The following GRIN3A variants were observed in gnomAD, a reference collection of about 807,000 sequenced individuals.
The protein encoded by GRIN3A is glutamate receptor ionotropic, NMDA 3A.
In GRIN3A, 47 loss-of-function variants were observed where a neutral mutation model predicts 92.4. That is an observed-to-expected ratio of 0.51 (90% CI 0.40 to 0.65). GRIN3A has a LOEUF of 0.65. GRIN3A is among the 30% of genes least tolerant of loss of function. GRIN3A has a pLI of 0.00. For synonymous variants in GRIN3A, 527 were observed against 540.6 expected (o/e 0.97, Z 0.35); for missense variants, 1,324 against 1,393.1 (o/e 0.95, Z 0.79).
intron 1 of GRIN3A, among the ~76,000 whole-genome samples, chr9:101,704,534 C>T (rs193014504): frequency 1.4e-4 from 21 of 152,246 alleles, no homozygotes; most frequent in Admixed American, 7.8e-4. Context: ...AACTATACTT[C>T]GAATTTTGAA....
In GRIN3A at chr9:101,686,586, T is replaced by C; in HGVS notation, c.1304+10A>G. The C allele has an allele frequency of 6.2e-7, 1 of 1,614,134 alleles. No homozygotes were observed. The stretch of plus-strand genomic sequence containing the variant: ...ATGAATGGGGATATAACCGAGACCT[T>C]GCATCCTACCTTGATAAATATTGTC... On this transcript the variant is annotated intron_variant, in intron 2 of 8. Transcript: ENST00000361820.
chr9:101,730,690 AG>A (rs1192050765), intron 1 of GRIN3A, among the ~76,000 whole-genome samples: 1 of 152,086 alleles, frequency 6.6e-6, no homozygotes, highest in Admixed American at 6.6e-5. Context: ...CTCCTCACAA[AG>A]TAACTGTGAG....
Position 101,735,902 on chromosome 9 carries a change from C to T in GRIN3A, c.699+1379G>A, listed in dbSNP as rs564330773. Among the ~76,000 whole-genome samples, 67 of 147,730 alleles carry T rather than the reference C, an allele frequency of 4.5e-4. 1 individual carries two copies. Among genetic ancestry groups the T allele is most frequent in the African/African-American group, 1.6e-3 (64 of 41,234 alleles). On this transcript the variant is annotated intron_variant, in intron 1 of 8. Transcript: ENST00000361820. Reference sequence around the variant, plus strand: ...CTCTACAGATCAAATCTCTGTAGTTCGGCTAGGAATCTTCTGGGCAACTGC... The same window carrying T: ...CTCTACAGATCAAATCTCTGTAGTTTGGCTAGGAATCTTCTGGGCAACTGC...
In GRIN3A at chr9:101,737,274, C is replaced by G. The variant is rs1564155858; in HGVS notation, c.699+7G>C. The G allele has an allele frequency of 1.2e-6, 2 of 1,613,208 alleles. No individual in the cohort carries two copies. Among genetic ancestry groups the G allele is most frequent in the Non-Finnish European group, 1.7e-6 (2 of 1,179,270 alleles). Reference sequence around the variant, plus strand: ...CATCTCCACTCCACGCACCAGGCTCCTCTCACCTGACTCTCCCGTGGAAAC... The same window carrying G: ...CATCTCCACTCCACGCACCAGGCTCGTCTCACCTGACTCTCCCGTGGAAAC... On this transcript the variant is annotated splice_region_variant and intron_variant, in intron 1 of 8. Coordinates refer to ENST00000361820, the MANE Select transcript of GRIN3A (RefSeq NM_133445.3).
intron 5 of GRIN3A, among the ~76,000 whole-genome samples, chr9:101,615,426 G>A (rs569450146): frequency 3.7e-5 from 5 of 134,502 alleles, no homozygotes; most frequent in East Asian, 2.1e-4. Flanking sequence ...TCTCGATCTC[G>A]GCTCACTGCA....
At chr9:101,704,575 G>C (rs1297793303) in intron 1 of GRIN3A, among the ~76,000 whole-genome samples, 1 of 152,126 alleles carries the variant, frequency 6.6e-6, no homozygotes, top group Non-Finnish European at 1.5e-5. Flanking sequence ...AGTGATATGA[G>C]GTGTAATACT....
At chr9:101,588,913 T>C (rs1827983993) in intron 6 of GRIN3A, among the ~76,000 whole-genome samples, 1 of 152,260 alleles carries the variant, frequency 6.6e-6, no homozygotes, top group African/African-American at 2.4e-5. Context: ...ATTTTTTAAA[T>C]ATTATAATTT....
At chr9:101,622,599 C>G (rs1284645285) in intron 5 of GRIN3A, among the ~76,000 whole-genome samples, 1 of 152,092 alleles carries the variant, frequency 6.6e-6, no homozygotes, top group Non-Finnish European at 1.5e-5. Flanking sequence ...ACAAGGATCC[C>G]AAGGTTTTGT....
chr9:101,625,615 GA>G (rs1197248230), intron 4 of GRIN3A, among the ~76,000 whole-genome samples: 1 of 152,154 alleles, frequency 6.6e-6, no homozygotes, highest in Non-Finnish European at 1.5e-5. Context: ...AAGTTACAAT[GA>G]GGCCCAAATT....
intron 8 of GRIN3A, among the ~76,000 whole-genome samples, chr9:101,574,381 T>A (rs1827800358): frequency 6.6e-6 from 1 of 152,204 alleles, no homozygotes; most frequent in Admixed American, 6.5e-5. Flanking sequence ...CTGCTGATTT[T>A]TTCCACCATA....
chr9:101,645,779 G>C (rs979359749), intron 3 of GRIN3A, among the ~76,000 whole-genome samples: 1 of 149,982 alleles, frequency 6.7e-6, no homozygotes, highest in Admixed American at 6.7e-5. Context: ...TGGGTGAAAC[G>C]ATACCTCATT....
chr9:101,718,305 C>T (rs1337695), intron 1 of GRIN3A, among the ~76,000 whole-genome samples: 83,624 of 151,982 alleles, frequency 0.55, 23,443 homozygotes, highest in African/African-American at 0.66. Flanking sequence ...TGAAAGTTGT[C>T]AATCATGGTA....
chr9:101,628,705 C>T (rs2118879314), intron 3 of GRIN3A, among the ~76,000 whole-genome samples: 1 of 152,244 alleles, frequency 6.6e-6, no homozygotes, highest in African/African-American at 2.4e-5. Flanking sequence ...GAATTAGTCT[C>T]ATTATTGTAA....
At position 101,737,475 on chromosome 9, in the gene GRIN3A, G is replaced by A; in HGVS notation, c.505C>T (p.Pro169Ser). 1 of 1,614,264 alleles carries A rather than the reference G, an allele frequency of 6.2e-7. No individual in the cohort carries two copies. ...GGGTCACTGCTCCATGGCGAACTAG[G>A]GGAGGAGAAGGGCAAAAGTGGCAGA... ...GDLPLLPFSS[P>S]SSPWSSDPFS... is the part of the protein sequence containing the mutation. Residue 169 changes from proline (P) to serine (S), a missense_variant, in exon 1 of 9, where the codon CCT (proline) becomes TCT (serine). Physicochemically the swap from Pro to Ser is moderately conservative, Grantham distance 74. Transcript: ENST00000361820.
intron 1 of GRIN3A, among the ~76,000 whole-genome samples, chr9:101,712,483 T>C (rs542157647): frequency 1.3e-5 from 2 of 152,070 alleles, no homozygotes; most frequent in South Asian, 4.2e-4. Flanking sequence ...AGGCAGTGAG[T>C]AGGAAATGGT....
chr9:101,650,750 CAT>C (rs1829003823), intron 3 of GRIN3A, among the ~76,000 whole-genome samples: 1 of 152,004 alleles, frequency 6.6e-6, no homozygotes, highest in Admixed American at 6.6e-5. Context: ...TCTCAGCACT[CAT>C]GTCATTTGGT....
chr9:101,702,589 G>A (rs1353474465), intron 1 of GRIN3A, among the ~76,000 whole-genome samples: 2 of 152,054 alleles, frequency 1.3e-5, no homozygotes, highest in Non-Finnish European at 2.9e-5. Context: ...TGTGCCACAG[G>A]CCACTGTCTT....
chr9:101,603,150 T>C (rs1828233788), intron 6 of GRIN3A: 1 of 152,186 alleles, frequency 6.6e-6, no homozygotes, highest in South Asian at 2.1e-4. Flanking sequence ...TTTGGTTCTA[T>C]AACATACGTA....
chr9:101,625,818 C>T (rs907204272), intron 4 of GRIN3A, among the ~76,000 whole-genome samples: 2 of 152,214 alleles, frequency 1.3e-5, no homozygotes, highest in African/African-American at 4.8e-5. Context: ...TGTACCTTGA[C>T]AGCTACGTAG....
Sources: allele counts gnomAD v4.1 joint callset (sites outside exome capture counted in the v4.1 genomes callset), GRCh38; gene constraint gnomAD v4.1.1; transcripts MANE v1.5; gene names NCBI Gene and HGNC (gene_info 2026-07-23, HGNC 2026-07-21).